The following COQ8A variants were observed in gnomAD, a reference collection of about 807,000 sequenced individuals.
The protein encoded by COQ8A is atypical kinase COQ8A, mitochondrial.
Under a neutral mutation model 65.0 loss-of-function variants are expected in COQ8A, and 51 were observed. The observed-to-expected ratio is 0.78, with a 90% confidence interval of 0.63 to 0.99. COQ8A has a LOEUF of 0.99. Ranked by LOEUF, COQ8A falls within the 50% of genes least tolerant of loss-of-function variation. COQ8A has a pLI of 0.00. For synonymous variants in COQ8A, 371 were observed against 353.2 expected (o/e 1.05, Z -0.57); for missense variants, 940 against 875.0 (o/e 1.07, Z -0.94).
In COQ8A at chr1:226,986,560, C is replaced by T. The variant is rs1335096112; in HGVS notation, c.1767C>T (p.Asn589=). The T allele has an allele frequency of 8.7e-6, 14 of 1,613,986 alleles. No individual in the cohort carries two copies. The highest frequency in any genetic ancestry group is 9.3e-6 in the Non-Finnish European group (11 of 1,180,026). Residue 589 remains asparagine, a synonymous_variant, in exon 15 of 15, where the codon AAC becomes AAT. Transcript: ENST00000366777. ...AGAGCACCACCGAGAAGATCCACAA[C>T]CTGATTCCCGTCATGCTGAGGCACC... ...GTQSTTEKIH[N]LIPVMLRHRL...
chr1:226,982,471 C>T (rs1659759073), intron 6 of COQ8A: 7 of 671,214 alleles, frequency 1.0e-5, no homozygotes, highest in Non-Finnish European at 2.6e-6. Flanking sequence ...AAAAGCCCAC[C>T]TTCTCAGGTC....
At chr1:226,977,814 ACACACCCCCTG>A (rs1416891540) in intron 5 of COQ8A, among the ~76,000 whole-genome samples, 3 of 151,516 alleles carry the variant, frequency 2.0e-5, no homozygotes, top group Non-Finnish European at 2.9e-5. Flanking sequence ...TGGACACCTT[ACACACCCCCTG>A]CACACCCACT....
chr1:226,986,652 G>C lies in COQ8A; in HGVS notation c.1859G>C (p.Cys620Ser). The change falls in exon 15 of 15, where the codon TGC (cysteine) becomes TCC (serine). Residue 620 changes from cysteine (C) to serine (S), a missense_variant. Physicochemically the swap from Cys to Ser is moderately radical, Grantham distance 112. Transcript: ENST00000366777. Reference protein sequence around the residue: ...HRKMGGSFLICSKLKARFPCK... With the variant: ...HRKMGGSFLISSKLKARFPCK... ...AAGATGGGGGGCTCCTTCCTCATCT[G>C]CTCCAAGCTGAAGGCCCGCTTCCCC... 6.2e-7 allele frequency: 1 copy of C among 1,614,044 alleles called. No individual in the cohort carries two copies. The highest frequency in any genetic ancestry group is 1.3e-5 in the African/African-American group (1 of 75,026).
Position 226,984,929 on chromosome 1 carries a change from C to A in COQ8A, c.1560C>A (p.Asp520Glu), listed in dbSNP as rs1391323340. The A allele has an allele frequency of 6.2e-7, 1 of 1,614,082 alleles. No homozygotes were observed. Among genetic ancestry groups the A allele is most frequent in the Admixed American group, 1.7e-5 (1 of 60,020 alleles). ...GGGAATATGACAGATCCTTCACCGA[C>A]CTCTACATTCAGGTAACTGGAGAGG... ...ATREYDRSFT[D>E]LYIQIIRAAA... Residue 520 changes from aspartate to glutamate, a missense_variant, in exon 13 of 15, where the codon GAC (aspartate) becomes GAA (glutamate). Asp to Glu is a conservative substitution (Grantham distance 45). Coordinates refer to ENST00000366777, the MANE Select transcript of COQ8A (RefSeq NM_020247.5).
intron 5 of COQ8A, among the ~76,000 whole-genome samples, chr1:226,979,980 C>G (rs1296718037): frequency 6.6e-6 from 1 of 152,230 alleles, no homozygotes; most frequent in African/African-American, 2.4e-5. Context: ...TTCACAGTTA[C>G]AGCTAGTGTC....
At chr1:226,959,532 G>C (rs1367759448) in intron 1 of COQ8A, among the ~76,000 whole-genome samples, 1 of 152,216 alleles carries the variant, frequency 6.6e-6, no homozygotes, top group African/African-American at 2.4e-5. Context: ...TTGTCAAAGG[G>C]GGGTGGGTAC....
intron 1 of COQ8A, chr1:226,958,117 A>G (rs1177323060): frequency 6.6e-6 from 1 of 152,182 alleles, no homozygotes; most frequent in Non-Finnish European, 1.5e-5. Flanking sequence ...CATCAACTCC[A>G]TTAATAGTCC....
At chr1:226,963,885 G>A (rs2148058120) in intron 2 of COQ8A, among the ~76,000 whole-genome samples, 1 of 152,350 alleles carries the variant, frequency 6.6e-6, no homozygotes, top group East Asian at 1.9e-4. Flanking sequence ...GATTACAGGT[G>A]TGAGCCATCG....
chr1:226,985,005 G>C lies in COQ8A; in HGVS notation c.1572+64G>C, dbSNP rs143631631. 4,516 of 1,584,470 alleles carry C rather than the reference G, an allele frequency of 2.9e-3. 8 individuals are homozygous for C. Among genetic ancestry groups the C allele is most frequent in the Non-Finnish European group, 3.2e-3 (3,733 of 1,157,548 alleles). On this transcript the variant is annotated intron_variant, in intron 13 of 14. Coordinates refer to ENST00000366777, the MANE Select transcript of COQ8A (RefSeq NM_020247.5). ...CTGAGGCTGGGACAGGATGCTGGGG[G>C]ACTCGGGGTAGGGAGAATGACTGGG...
chr1:226,975,070 A>G (rs1172842214), intron 4 of COQ8A: 1 of 152,242 alleles, frequency 6.6e-6, no homozygotes, highest in Non-Finnish European at 1.5e-5. Context: ...ACAGAGAGAC[A>G]TTGGTGAAGG....
At chr1:226,983,180 T>G in intron 8 of COQ8A, 146 bp downstream of exon 8, 1 of 1,227,900 alleles carries the variant, frequency 8.1e-7, no homozygotes, top group Non-Finnish European at 1.1e-6. Flanking sequence ...CTGGCCCCAG[T>G]GCCTGGACGG....
intron 1 of COQ8A, among the ~76,000 whole-genome samples, chr1:226,960,968 C>T (rs1658213996): frequency 6.6e-6 from 1 of 152,076 alleles, no homozygotes; most frequent in South Asian, 2.1e-4. Flanking sequence ...ATTGGATGCT[C>T]CTCTCCCAAC....
At chr1:226,952,044 G>A (rs543264603) in intron 1 of COQ8A, among the ~76,000 whole-genome samples, 7 of 152,194 alleles carry the variant, frequency 4.6e-5, no homozygotes, top group Middle Eastern at 3.4e-3. Context: ...TTTGAGGATC[G>A]GGGGTAAGCA....
At chr1:226,978,238 C>T (rs1200152080) in intron 5 of COQ8A, among the ~76,000 whole-genome samples, 1 of 105,442 alleles carries the variant, frequency 9.5e-6, no homozygotes, top group Admixed American at 9.6e-5. Flanking sequence ...ACACCCACCA[C>T]ACACACCTGC....
intron 5 of COQ8A, among the ~76,000 whole-genome samples, 169 bp downstream of exon 5, chr1:226,977,692 T>TAGG (rs1299748522): frequency 1.3e-5 from 2 of 152,112 alleles, no homozygotes; most frequent in East Asian, 3.9e-4. Flanking sequence ...TACAGACAGA[T>TAGG]TGACCTGCTT....
Position 226,940,305 on chromosome 1 carries a change from G to C in COQ8A, c.-104G>C, listed in dbSNP as rs1336539858. The C allele has an allele frequency of 1.3e-5, 2 of 152,376 alleles. No homozygotes were observed. Among genetic ancestry groups the C allele is most frequent in the Non-Finnish European group, 2.9e-5 (2 of 68,228 alleles). The allele number at this position is 152,376 out of a possible 1,614,324, so 9.4% of individuals were successfully genotyped here. ...GCGGGCGAGTTGGTAAACAGATCCGGAGCGCGTGGCGGGCGTCAGCGCGGT... is the reference window on the plus strand; with the variant it reads ...GCGGGCGAGTTGGTAAACAGATCCGCAGCGCGTGGCGGGCGTCAGCGCGGT... On this transcript the variant is annotated 5_prime_UTR_variant, in exon 1 of 15. Transcript: ENST00000366777.
rs76249490 is a variant in COQ8A at position 226,965,060 on chromosome 1, C to T, written c.238C>T (p.His80Tyr). The change falls in exon 3 of 15, where the codon CAC becomes TAC. Residue 80 changes from histidine to tyrosine, a missense_variant. His to Tyr is a moderately conservative substitution (Grantham distance 83). Coordinates refer to ENST00000366777, the MANE Select transcript of COQ8A (RefSeq NM_020247.5). Reference protein sequence around the residue: ...ENFGGPEGEFHFSVPHAAGAS... With the variant: ...ENFGGPEGEFYFSVPHAAGAS... ...CTTCGGCGGCCCAGAAGGGGAGTTCCACTTCTCAGTCCCGCATGCAGCCGG... is the reference window on the plus strand; with the variant it reads ...CTTCGGCGGCCCAGAAGGGGAGTTCTACTTCTCAGTCCCGCATGCAGCCGG... 3,788 of 1,614,012 alleles carry T rather than the reference C, an allele frequency of 2.3e-3. 87 individuals carry two copies. In the East Asian group the frequency reaches 0.037, roughly 16 times the overall value.
intron 5 of COQ8A, among the ~76,000 whole-genome samples, chr1:226,980,299 G>A (rs1021385597): frequency 1.3e-5 from 2 of 152,238 alleles, no homozygotes; most frequent in Non-Finnish European, 2.9e-5. Flanking sequence ...TCCAGCCTGT[G>A]GCATTGACCA....
intron 14 of COQ8A, among the ~76,000 whole-genome samples, chr1:226,985,683 G>C (rs1199614196): frequency 1.3e-5 from 2 of 152,236 alleles, no homozygotes; most frequent in African/African-American, 2.4e-5. Context: ...TCCCTGGGGG[G>C]AGTTGGAAGA....
Sources: gnomAD v4.1 joint callset for allele counts (sites outside exome capture counted in the v4.1 genomes callset) on GRCh38, gnomAD v4.1.1 for gene constraint, MANE v1.5 for transcripts, NCBI Gene and HGNC (gene_info 2026-07-23, HGNC 2026-07-21) for gene names.